KIAA1217: variants seen among roughly 807,000 people sequenced by gnomAD.
KIAA1217 encodes the protein KIAA1217.
Under a neutral mutation model 163.9 loss-of-function variants are expected in KIAA1217, and 88 were observed. The observed-to-expected ratio is 0.54, with a 90% CI of 0.45 to 0.64. The LOEUF (loss-of-function observed/expected upper bound fraction) is 0.64. KIAA1217 is among the 30% of genes least tolerant of loss of function. The probability of loss-of-function intolerance (pLI) is 0.00; values close to 1 mark genes in which losing one functional copy is unlikely to be tolerated. For missense variants in KIAA1217, 2,372 were observed against 2,475.0 expected (o/e 0.96, Z 0.88); for synonymous variants, 903 against 923.1 (o/e 0.98, Z 0.39).
At chr10:23,991,916 C>T (rs754885792) in intron 1 of KIAA1217, among the ~76,000 whole-genome samples, 1 of 151,956 alleles carries the variant, frequency 6.6e-6, no homozygotes, top group Non-Finnish European at 1.5e-5. Context: ...GTACATTATC[C>T]CATTAAATAT....
At chr10:24,334,474 AG>A (rs375401825) in intron 2 of KIAA1217, among the ~76,000 whole-genome samples, 51,042 of 146,570 alleles carry the variant, frequency 0.35, 10,651 homozygotes, top group Middle Eastern at 0.55. Context: ...GAAGGAAGGA[AG>A]GAAGGAAGGA....
intron 1 of KIAA1217, among the ~76,000 whole-genome samples, chr10:23,979,209 CCTTAGA>C (rs1564582227): frequency 6.6e-6 from 1 of 152,186 alleles, no homozygotes; most frequent in African/African-American, 2.4e-5. Flanking sequence ...TCCCAACATT[CCTTAGA>C]CTTAAAGACT....
chr10:24,335,891 C>T (rs529628988), intron 2 of KIAA1217, among the ~76,000 whole-genome samples: 225 of 152,344 alleles, frequency 1.5e-3, no homozygotes, highest in Non-Finnish European at 2.6e-3. Flanking sequence ...GGATTATAGG[C>T]GTCAGCCACT....
chr10:24,212,813 C>T (rs929818868), intron 1 of KIAA1217, among the ~76,000 whole-genome samples: 4 of 152,172 alleles, frequency 2.6e-5, no homozygotes, highest in African/African-American at 7.2e-5. Flanking sequence ...TATTTATTCA[C>T]GTTTGCATTT....
At chr10:24,296,368 A>G (rs761923078) in intron 2 of KIAA1217, among the ~76,000 whole-genome samples, 4 of 152,158 alleles carry the variant, frequency 2.6e-5, no homozygotes, top group Admixed American at 6.5e-5. Flanking sequence ...TAGGCTTTCC[A>G]AAGTGCTGGA....
At chr10:24,074,406 C>T (rs1031254609) in intron 2 of KIAA1217, among the ~76,000 whole-genome samples, 1 of 152,008 alleles carries the variant, frequency 6.6e-6, no homozygotes, top group Non-Finnish European at 1.5e-5. Context: ...AACTTTAAAA[C>T]GTGCTTTTGG....
At chr10:24,276,091 C>T (rs928910718) in intron 2 of KIAA1217, among the ~76,000 whole-genome samples, 1 of 152,152 alleles carries the variant, frequency 6.6e-6, no homozygotes, top group Non-Finnish European at 1.5e-5. Context: ...TGAGGACTGT[C>T]AGTTTTGTCG....
At chr10:23,764,798 G>A (rs1280552946) in intron 1 of KIAA1217, among the ~76,000 whole-genome samples, 1 of 152,038 alleles carries the variant, frequency 6.6e-6, no homozygotes, top group African/African-American at 2.4e-5. Context: ...CTGTTGAGGG[G>A]TGGGGCCTGA....
intron 2 of KIAA1217, among the ~76,000 whole-genome samples, chr10:24,075,955 T>G (rs2061356742): frequency 6.6e-6 from 1 of 151,980 alleles, no homozygotes; most frequent in South Asian, 2.1e-4. Flanking sequence ...TTTTTTCAAA[T>G]TCTGAGAGGT....
intron 2 of KIAA1217, among the ~76,000 whole-genome samples, chr10:24,015,744 G>C (rs1359096165): frequency 7.4e-6 from 1 of 135,490 alleles, no homozygotes; most frequent in Non-Finnish European, 1.6e-5. Context: ...CTCAGAGTGA[G>C]ACTCTGACTC....
At chr10:23,704,172 G>GTGTGTGTGTGTGTGTATATA (rs1229370789) in intron 1 of KIAA1217, among the ~76,000 whole-genome samples, 8 of 39,944 alleles carry the variant, frequency 2.0e-4, no homozygotes, top group African/African-American at 9.4e-4. Context: ...GTGTGTGTGT[G>GTGTGTGTGTGTGTGTATATA]TATATATATA....
intron 5 of KIAA1217, among the ~76,000 whole-genome samples, chr10:24,444,152 A>G (rs1314788510): frequency 6.6e-6 from 1 of 152,080 alleles, no homozygotes; most frequent in Non-Finnish European, 1.5e-5. Context: ...CCGGGACTAC[A>G]GGTGCACACC....
intron 1 of KIAA1217, among the ~76,000 whole-genome samples, chr10:23,743,879 C>T (rs1306009884): frequency 3.4e-5 from 5 of 146,290 alleles, no homozygotes; most frequent in African/African-American, 5.4e-5. Context: ...CATGTTTTTG[C>T]GTGTTGTTTT....
At chr10:23,698,192 T>C in intron 1 of KIAA1217, among the ~76,000 whole-genome samples, 1 of 152,238 alleles carries the variant, frequency 6.6e-6, no homozygotes, top group South Asian at 2.1e-4. Flanking sequence ...ATTAATTTAG[T>C]ATACCAACAC....
chr10:24,411,285 G>A (rs1246580711), intron 3 of KIAA1217, among the ~76,000 whole-genome samples: 2 of 152,152 alleles, frequency 1.3e-5, no homozygotes, highest in African/African-American at 4.8e-5. Context: ...AGGATTCAAA[G>A]AGAAGTCAGC....
chr10:23,732,446 C>T (rs2130790783), intron 1 of KIAA1217, among the ~76,000 whole-genome samples: 1 of 152,140 alleles, frequency 6.6e-6, no homozygotes, highest in South Asian at 2.1e-4. Context: ...CTTTACATAG[C>T]ATTTGCATTG....
intron 6 of KIAA1217, among the ~76,000 whole-genome samples, chr10:24,483,854 A>G (rs2065010568): frequency 6.6e-6 from 1 of 152,210 alleles, no homozygotes; most frequent in African/African-American, 2.4e-5. Context: ...AGGTGATTTC[A>G]TAAAGCAGGG....
At chr10:24,417,653 G>A (rs1001381711) in intron 3 of KIAA1217, among the ~76,000 whole-genome samples, 2 of 152,144 alleles carry the variant, frequency 1.3e-5, no homozygotes, top group Non-Finnish European at 2.9e-5. Flanking sequence ...GGAGACCATG[G>A]TGTGAAGTCT....
At chr10:24,069,374 G>T (rs78115774) in intron 2 of KIAA1217, among the ~76,000 whole-genome samples, 3,999 of 152,204 alleles carry the variant, frequency 0.026, 167 homozygotes, top group African/African-American at 0.093. Flanking sequence ...TGTAATGAGT[G>T]CCTGCTTGCT....
Sources: gnomAD v4.1 joint callset for allele counts (sites outside exome capture counted in the v4.1 genomes callset) on GRCh38, gnomAD v4.1.1 for gene constraint, MANE v1.5 for transcripts, NCBI Gene and HGNC (gene_info 2026-07-23, HGNC 2026-07-21) for gene names.